KLF13: variants seen among roughly 807,000 people sequenced by gnomAD.
KLF13 encodes Krueppel-like factor 13.
In KLF13, 8 loss-of-function variants were observed where a neutral mutation model predicts 16.7. That is an observed-to-expected ratio of 0.48 (90% CI 0.28 to 0.87). KLF13 has a LOEUF of 0.87. Among genes scored for constraint, KLF13 ranks in the 40% least tolerant of loss-of-function variants. The pLI is 0.10. For missense variants in KLF13, 447 were observed against 452.2 expected (o/e 0.99, Z 0.10); for synonymous variants, 245 against 208.4 (o/e 1.18, Z -1.51).
chr15:31,330,032 G>A (rs529758201), intron 1 of KLF13, among the ~76,000 whole-genome samples: 106 of 152,284 alleles, frequency 7.0e-4, no homozygotes, highest in African/African-American at 2.5e-3. Context: ...TTCAGCATCT[G>A]GTGGAGGGCA....
chr15:31,368,710 C>T (rs1037432709), intron 1 of KLF13, among the ~76,000 whole-genome samples: 5 of 152,006 alleles, frequency 3.3e-5, no homozygotes, highest in African/African-American at 4.8e-5. Flanking sequence ...AAAAACTAGC[C>T]GAGCGTGGGT....
intron 1 of KLF13, among the ~76,000 whole-genome samples, chr15:31,416,286 C>T (rs115623495): frequency 1.0e-3 from 152 of 152,180 alleles, no homozygotes; most frequent in African/African-American, 3.3e-3. Flanking sequence ...TGGGAACACT[C>T]TCCAACTCAT....
At chr15:31,342,130 C>T (rs2039034477) in intron 1 of KLF13, among the ~76,000 whole-genome samples, 1 of 152,178 alleles carries the variant, frequency 6.6e-6, no homozygotes, top group Non-Finnish European at 1.5e-5. Flanking sequence ...AGTCACCAGT[C>T]ATCAGAACAG....
At chr15:31,430,724 G>C (rs1473280089) in intron 1 of KLF13, among the ~76,000 whole-genome samples, 4 of 152,176 alleles carry the variant, frequency 2.6e-5, no homozygotes, top group Non-Finnish European at 5.9e-5. Context: ...TCAACAAGTT[G>C]AAAGAGAAGA....
intron 1 of KLF13, among the ~76,000 whole-genome samples, chr15:31,329,525 G>A (rs1324491075): frequency 6.6e-6 from 1 of 152,164 alleles, no homozygotes; most frequent in Non-Finnish European, 1.5e-5. Flanking sequence ...GGGCGGGGCC[G>A]GCTTGTCAGG....
At chr15:31,369,428 G>A (rs987437780) in intron 1 of KLF13, among the ~76,000 whole-genome samples, 6 of 152,220 alleles carry the variant, frequency 3.9e-5, no homozygotes, top group African/African-American at 9.6e-5. Context: ...CCCTAGAACC[G>A]AGCTTGGCTC....
intron 1 of KLF13, among the ~76,000 whole-genome samples, chr15:31,352,325 G>C (rs2039229762): frequency 6.6e-6 from 1 of 152,208 alleles, no homozygotes; most frequent in South Asian, 2.1e-4. Flanking sequence ...ACGCTCAGGG[G>C]TTTCTACCTC....
chr15:31,356,318 C>T (rs1327039721), intron 1 of KLF13, among the ~76,000 whole-genome samples: 1 of 152,174 alleles, frequency 6.6e-6, no homozygotes, highest in African/African-American at 2.4e-5. Context: ...CTTTGGGAGG[C>T]CAAGGTGAAT....
rs375443273 is a variant in KLF13, at chr15:31,338,465, C to T, written c.577+10676C>T. Among the ~76,000 whole-genome samples the T allele has an allele frequency of 1.3e-4, 20 of 152,324 alleles. 1 individual carries two copies. Among genetic ancestry groups the T allele is most frequent in the Admixed American group, 6.5e-4 (10 of 15,302 alleles). Reference sequence around the variant, plus strand: ...TCTTGAGGCATCTGGCCAGGTGGTGCGGGCTGCAGCACAATGTTTGTTTCT... The same window carrying T: ...TCTTGAGGCATCTGGCCAGGTGGTGTGGGCTGCAGCACAATGTTTGTTTCT... On this transcript the variant is annotated intron_variant, in intron 1 of 1. Coordinates refer to ENST00000307145, the MANE Select transcript of KLF13 (RefSeq NM_015995.4).
chr15:31,356,812 G>T (rs1457799262), intron 1 of KLF13, among the ~76,000 whole-genome samples: 1 of 152,172 alleles, frequency 6.6e-6, no homozygotes, highest in Admixed American at 6.5e-5. Context: ...GCCTCTCAGG[G>T]CCTTTTGGGC....
intron 1 of KLF13, among the ~76,000 whole-genome samples, chr15:31,337,884 C>A (rs2038957129): frequency 6.6e-6 from 1 of 152,158 alleles, no homozygotes; most frequent in Admixed American, 6.5e-5. Context: ...TTGCAGGATA[C>A]CATCTTTTAT....
At position 31,376,392 on chromosome 15, in the gene KLF13, A is replaced by C. The variant is rs2039646542; in HGVS notation, c.*4093A>C. On this transcript the variant is annotated 3_prime_UTR_variant, in exon 2 of 2. Coordinates refer to ENST00000307145, the MANE Select transcript of KLF13 (RefSeq NM_015995.4). ...GTCAAAGACACAGTGCTAGAGGTTT[A>C]AAGGGTGTAATGTGTTGGTCACATC... 6.6e-6 allele frequency: 1 copy of C among 152,328 alleles called. No individual in the cohort carries two copies. The highest frequency in any genetic ancestry group is 1.5e-5 in the Non-Finnish European group (1 of 68,050). The allele number at this position is 152,328 out of a possible 1,614,324, so 9.4% of individuals were successfully genotyped here.
Position 31,327,025 on chromosome 15 carries a change from C to A in KLF13, c.-188C>A. On this transcript the variant is annotated 5_prime_UTR_variant, in exon 1 of 2. Transcript: ENST00000307145. ...CTCACTCTTCGGTGCCCGGCCGGGC[C>A]GGCGCCTCGCAGACGCGGAGCCGCG... 3.1e-6 allele frequency: 1 copy of A among 320,142 alleles called. No individual in the cohort carries two copies. Among genetic ancestry groups the A allele is most frequent in the Non-Finnish European group, 4.7e-6 (1 of 212,914 alleles). 19.8% of individuals were successfully genotyped at this position (320,142 alleles called of 1,614,324 possible). A position where few individuals can be genotyped will look rare whatever the true frequency, so the allele number is the denominator to read the frequency against.
At chr15:31,390,157 T>A (rs2039842419), upstream of KLF13, among the ~76,000 whole-genome samples, 1 of 152,120 alleles carries the variant, frequency 6.6e-6, no homozygotes, top group Non-Finnish European at 1.5e-5. Context: ...TGCCCTCTCC[T>A]ACCCCATGGA....
chr15:31,381,461 T>A (rs1226820516), downstream of KLF13, among the ~76,000 whole-genome samples: 1 of 152,122 alleles, frequency 6.6e-6, no homozygotes, highest in African/African-American at 2.4e-5. Context: ...AATCTCCCTC[T>A]TATAAGGACC....
intron 2 of KLF13, among the ~76,000 whole-genome samples, chr15:31,395,060 A>G (rs981102430): frequency 6.6e-6 from 1 of 152,000 alleles, no homozygotes; most frequent in Non-Finnish European, 1.5e-5. Flanking sequence ...GCTCACTGCA[A>G]CCTCCACCTC....
intron 1 of KLF13, among the ~76,000 whole-genome samples, chr15:31,416,707 A>T (rs991650201): frequency 3.9e-5 from 6 of 152,204 alleles, no homozygotes; most frequent in Admixed American, 3.3e-4. Context: ...GGACCAAAAT[A>T]CTCTCAAAGG....
intron 1 of KLF13, among the ~76,000 whole-genome samples, chr15:31,328,458 C>A (rs924823399): frequency 6.6e-6 from 1 of 151,980 alleles, no homozygotes; most frequent in African/African-American, 2.4e-5. Flanking sequence ...TTTGTGGGAG[C>A]CCCCGCCCAT....
At chr15:31,431,771 A>C (rs1352205776) in intron 1 of KLF13, among the ~76,000 whole-genome samples, 1 of 152,180 alleles carries the variant, frequency 6.6e-6, no homozygotes, top group African/African-American at 2.4e-5. Context: ...GCCTGGCCAA[A>C]TCTTAAAAGC....
Sources: gnomAD v4.1 joint callset for allele counts (sites outside exome capture counted in the v4.1 genomes callset) on GRCh38, gnomAD v4.1.1 for gene constraint, MANE v1.5 for transcripts, NCBI Gene and HGNC (gene_info 2026-07-23, HGNC 2026-07-21) for gene names.